NRDC: variants seen among roughly 807,000 people sequenced by gnomAD.
NRDC encodes the protein nardilysin convertase.
Under a neutral mutation model 147.1 loss-of-function variants are expected in NRDC, and 54 were observed. The observed-to-expected ratio is 0.37, with a 90% CI of 0.29 to 0.46. The LOEUF (loss-of-function observed/expected upper bound fraction) is 0.46. NRDC is among the 20% of genes least tolerant of loss of function. The pLI is 1.00. For synonymous variants in NRDC, 440 were observed against 482.1 expected (o/e 0.91, Z 1.14); for missense variants, 1,082 against 1,370.6 (o/e 0.79, Z 3.33).
At chr1:51,814,469 A>G (rs1258102350) in intron 13 of NRDC, 82 bp downstream of exon 13, 1 of 1,358,106 alleles carries the variant, frequency 7.4e-7, no homozygotes, top group African/African-American at 1.5e-5. Flanking sequence ...TCAAGGCAAG[A>G]CTAAAGCATG....
At chr1:51,801,222 T>C (rs1417470074) in intron 20 of NRDC, 1 of 151,626 alleles carries the variant, frequency 6.6e-6, no homozygotes, top group Admixed American at 6.6e-5. Context: ...TTCAGATAGA[T>C]CCTATACTTT....
intron 1 of NRDC, among the ~76,000 whole-genome samples, chr1:51,863,013 G>GAAAAAAAAAAAA (rs562410956): frequency 3.4e-4 from 11 of 32,038 alleles, no homozygotes; most frequent in East Asian, 1.0e-3. Context: ...CTGTGTGGAG[G>GAAAAAAAAAAAA]AAAAAAAAAA....
intron 20 of NRDC, 93 bp downstream of exon 20, chr1:51,803,721 T>C: frequency 1.0e-6 from 1 of 989,092 alleles, no homozygotes; most frequent in East Asian, 2.5e-5. Context: ...TTAATAAACA[T>C]TTATTTCTCT....
chr1:51,840,234 CAGT>C lies in NRDC; in HGVS notation c.619_621del (p.Thr207del), dbSNP rs758598003. The C allele has an allele frequency of 5.3e-5, 85 of 1,593,916 alleles. No individual in the cohort carries two copies. The South Asian group carries it at 5.8e-4, about 11-fold the overall frequency. On this transcript the variant is annotated inframe_deletion, in exon 2 of 31. Transcript: ENST00000352171. ...ACAGACATGACTCGCACCTGTTTTT[CAGT>C]AGTTTTTTTTCTAGCTTCTGCTCTC...
rs563688701 is a variant in NRDC at position 51,794,757 on chromosome 1, A to G, written c.2636+66T>C. On this transcript the variant is annotated intron_variant, in intron 23 of 30. Coordinates refer to ENST00000352171, the MANE Select transcript of NRDC (RefSeq NM_001101662.2). ...TGGGTGTTTAGTAACAATTAACTGA[A>G]TTGTGGCTCCATGCCCTCTCGCTGG... 15 of 1,599,678 alleles carry G rather than the reference A, an allele frequency of 9.4e-6. No homozygotes were observed. In the East Asian group the frequency reaches 2.9e-4, roughly 31 times the overall value.
rs540294391 is a variant in NRDC at position 51,789,881 on chromosome 1, G to C, written c.3169-224C>G. 2.1e-5 allele frequency: 12 copies of C among 558,642 alleles called. 1 individual carries two copies. The South Asian group carries it at 2.5e-4, about 11-fold the overall frequency. 34.6% of individuals were successfully genotyped at this position (558,642 alleles called of 1,614,324 possible). The stretch of plus-strand genomic sequence containing the variant: ...TCTACAATGGCAAGAGAGGTTAGCA[G>C]ATGCTATAATTACAGCTAAATACCA... On this transcript the variant is annotated intron_variant, in intron 29 of 30. Transcript: ENST00000352171.
intron 1 of NRDC, chr1:51,862,544 G>T: frequency 6.6e-6 from 1 of 152,068 alleles, no homozygotes; most frequent in Admixed American, 6.6e-5. Context: ...GCAACAAAAG[G>T]AGACCTCATC....
Position 51,806,785 on chromosome 1 carries a change from A to C in NRDC, c.2110+9T>G. The C allele has an allele frequency of 6.2e-7, 1 of 1,612,482 alleles. No homozygotes were observed. The highest frequency in any genetic ancestry group is 8.5e-7 in the Non-Finnish European group (1 of 1,179,310). On this transcript the variant is annotated intron_variant, in intron 18 of 30. Coordinates refer to ENST00000352171, the MANE Select transcript of NRDC (RefSeq NM_001101662.2). ...TCAGCAGGGAAGTAACAGGAGGGCA[A>C]CATTTTACCTTTGGGGATTTTGAAT... is the stretch of plus-strand genomic sequence containing the variant.
At chr1:51,852,383 A>C (rs1681996441) in intron 1 of NRDC, among the ~76,000 whole-genome samples, 1 of 151,194 alleles carries the variant, frequency 6.6e-6, no homozygotes, top group African/African-American at 2.4e-5. Flanking sequence ...TAAGAACTCT[A>C]TACTCAAAAG....
chr1:51,874,557 C>A (rs1199590850), intron 1 of NRDC, among the ~76,000 whole-genome samples: 1 of 150,988 alleles, frequency 6.6e-6, no homozygotes, highest in East Asian at 2.0e-4. Context: ...TGCAGTGAGC[C>A]GTGATGGCGC....
At chr1:51,833,826 G>A (rs1680825559) in intron 4 of NRDC, among the ~76,000 whole-genome samples, 191 bp downstream of exon 4, 1 of 152,058 alleles carries the variant, frequency 6.6e-6, no homozygotes, top group Admixed American at 6.6e-5. Flanking sequence ...TTTTGCCCAA[G>A]CTGGTCTCAA....
At chr1:51,853,507 TA>T (rs1402299095) in intron 1 of NRDC, among the ~76,000 whole-genome samples, 1 of 152,194 alleles carries the variant, frequency 6.6e-6, no homozygotes, top group Non-Finnish European at 1.5e-5. Flanking sequence ...GCCCAGGTAC[TA>T]AAAAGATGGA....
intron 24 of NRDC, 34 bp downstream of exon 24, chr1:51,794,438 G>A (rs779363562): frequency 1.2e-6 from 2 of 1,607,096 alleles, no homozygotes; most frequent in South Asian, 1.1e-5. Context: ...CCAGGCACTG[G>A]GCCTTCCGCC....
chr1:51,807,093 T>A lies in NRDC; in HGVS notation c.1991-180A>T, dbSNP rs573512303. The stretch of plus-strand genomic sequence containing the variant: ...AGGGAAAACTATGTTGGTCTTAAAG[T>A]AAATAAATTCTAAAGATCTGGAATT... On this transcript the variant is annotated intron_variant, in intron 17 of 30. Coordinates refer to ENST00000352171, the MANE Select transcript of NRDC (RefSeq NM_001101662.2). Among the ~76,000 whole-genome samples, 685 of 152,324 alleles carry A rather than the reference T, an allele frequency of 4.5e-3. 3 individuals are homozygous for A. Among genetic ancestry groups the A allele is most frequent in the Middle Eastern group, 0.01 (3 of 294 alleles).
chr1:51,827,672 T>C (rs1680506049), intron 5 of NRDC, 124 bp downstream of exon 5: 1 of 679,202 alleles, frequency 1.5e-6, no homozygotes, highest in South Asian at 2.0e-5. Context: ...ACATAACACA[T>C]ATTTCAATTT....
In NRDC at chr1:51,845,691, T is replaced by C. The variant is rs146659184; in HGVS notation, c.342-5177A>G. ...GCTCTTTCGCCCATTTCTATTCTCT[T>C]TTATCCTACTTTAACCTTCTTCGCA... On this transcript the variant is annotated intron_variant, in intron 1 of 30. Transcript: ENST00000352171. Among the ~76,000 whole-genome samples, 188 of 152,340 alleles carry C rather than the reference T, an allele frequency of 1.2e-3. 1 individual carries two copies. The Middle Eastern group carries it at 0.034, about 28-fold the overall frequency.
At chr1:51,804,097 T>C in intron 19 of NRDC, 133 bp from the exon 20 acceptor site, 1 of 720,760 alleles carries the variant, frequency 1.4e-6, no homozygotes, top group Non-Finnish European at 2.2e-6. Flanking sequence ...TAAAAGGTAA[T>C]ACAGCTTACT....
chr1:51,819,718 A>C (rs2149207398), intron 9 of NRDC, 82 bp downstream of exon 9: 1 of 1,088,652 alleles, frequency 9.2e-7, no homozygotes, highest in African/African-American at 1.6e-5. Flanking sequence ...TCTCATTTTC[A>C]ATGAAAATTG....
intron 2 of NRDC, among the ~76,000 whole-genome samples, chr1:51,838,129 C>T (rs764386917): frequency 1.3e-5 from 2 of 152,148 alleles, no homozygotes; most frequent in African/African-American, 2.4e-5. Flanking sequence ...TTCTCGTCTT[C>T]AAACTACTTA....
Sources: gnomAD v4.1 joint callset for allele counts (sites outside exome capture counted in the v4.1 genomes callset) on GRCh38, gnomAD v4.1.1 for gene constraint, MANE v1.5 for transcripts, NCBI Gene and HGNC (gene_info 2026-07-23, HGNC 2026-07-21) for gene names.